Variants in NHS observed in about 807,000 individuals in gnomAD.
The protein encoded by NHS is actin remodeling regulator NHS.
A neutral mutation model predicts 72.5 loss-of-function variants in NHS; 5 were observed. That is an observed-to-expected ratio of 0.07 (90% CI 0.04 to 0.14). The LOEUF (loss-of-function observed/expected upper bound fraction) is 0.14. Among genes scored for constraint, NHS ranks in the 10% least tolerant of loss-of-function variants. The pLI is 1.00. For missense variants in NHS, 1,072 were observed against 1,355.7 expected (o/e 0.79, Z 3.29); for synonymous variants, 464 against 547.7 (o/e 0.85, Z 2.13).
Position 17,719,347 on chromosome X carries a change from A to G in NHS, c.856A>G (p.Asn286Asp), listed in dbSNP as rs1282049113. Residue 286 changes from asparagine to aspartate, a missense_variant, in exon 4 of 9, where the codon AAC becomes GAC. Physicochemically the swap from Asn to Asp is conservative, Grantham distance 23 (BLOSUM62 1). Coordinates refer to ENST00000676302, the MANE Select transcript of NHS (RefSeq NM_001291867.2). ...EFKDRHFLTF[N>D]STRSPSPTEC... ...TTTTTGCATTTCATGTTCATAGTTT[A>G]ACAGCACCCGTTCGCCCTCCCCCAC... 1.7e-6 allele frequency: 2 copies of G among 1,166,405 alleles called. No homozygotes were observed. Among genetic ancestry groups the G allele is most frequent in the East Asian group, 6.5e-5 (2 of 30,722 alleles).
At chrX:17,546,375 G>T (rs1385480405) in intron 1 of NHS, among the ~76,000 whole-genome samples, 1 of 112,205 alleles carries the variant, frequency 8.9e-6, no homozygotes, top group African/African-American at 3.2e-5. Context: ...GTATCACAGG[G>T]CAGAGTATAG....
intron 1 of NHS, among the ~76,000 whole-genome samples, chrX:17,512,869 G>A (rs1476851885): frequency 8.9e-6 from 1 of 111,793 alleles, no homozygotes; most frequent in Non-Finnish European, 1.9e-5. Context: ...GTTGAACAAG[G>A]CTGATAAGCA....
chrX:17,720,513 C>A (rs2066399875), intron 4 of NHS, among the ~76,000 whole-genome samples: 1 of 112,437 alleles, frequency 8.9e-6, no homozygotes, highest in Non-Finnish European at 1.9e-5. Flanking sequence ...AAAACTGAGT[C>A]TTTTAATCAT....
intron 3 of NHS, among the ~76,000 whole-genome samples, chrX:17,693,812 T>G (rs752963015): frequency 1.8e-5 from 2 of 112,945 alleles, no homozygotes; most frequent in South Asian, 7.2e-4. Context: ...GGCTTTCTAG[T>G]TCTTCAGATA....
intron 1 of NHS, among the ~76,000 whole-genome samples, chrX:17,685,806 G>T (rs1014915902): frequency 1.8e-5 from 2 of 111,580 alleles, no homozygotes; most frequent in Admixed American, 9.5e-5. Flanking sequence ...CATCCCTAGG[G>T]AACTGTATAA....
intron 1 of NHS, among the ~76,000 whole-genome samples, chrX:17,620,372 A>G (rs1445363461): frequency 8.9e-6 from 1 of 111,952 alleles, no homozygotes; most frequent in Non-Finnish European, 1.9e-5. Context: ...AGTTAGAGCC[A>G]GATCATCTGT....
intron 1 of NHS, among the ~76,000 whole-genome samples, chrX:17,538,095 G>A (rs1015917897): frequency 8.9e-6 from 1 of 111,977 alleles, no homozygotes; most frequent in Non-Finnish European, 1.9e-5. Context: ...GCAGAGAGGA[G>A]AGAGGGTGGA....
intron 3 of NHS, among the ~76,000 whole-genome samples, chrX:17,714,476 C>T (rs143206197): frequency 0.012 from 1,379 of 111,734 alleles, 16 homozygotes; most frequent in Non-Finnish European, 0.021. Flanking sequence ...GTTTTGGATG[C>T]TTCCTGCTCA....
intron 1 of NHS, among the ~76,000 whole-genome samples, chrX:17,559,926 C>T (rs1021356112): frequency 1.2e-4 from 13 of 111,839 alleles, no homozygotes; most frequent in South Asian, 3.8e-4. Flanking sequence ...ACTTCCCCAT[C>T]GCCCTATCAG....
At chrX:17,480,677 T>G (rs1296130829) in intron 1 of NHS, among the ~76,000 whole-genome samples, 1 of 111,602 alleles carries the variant, frequency 9.0e-6, no homozygotes, top group Non-Finnish European at 1.9e-5. Flanking sequence ...ACCATGACGT[T>G]TTAATTAATT....
intron 1 of NHS, among the ~76,000 whole-genome samples, chrX:17,384,929 A>G (rs1309806295): frequency 8.9e-6 from 1 of 112,296 alleles, no homozygotes; most frequent in Non-Finnish European, 1.9e-5. Context: ...GGAACAAACA[A>G]TCACAAAAAT....
intron 1 of NHS, among the ~76,000 whole-genome samples, chrX:17,614,893 A>G (rs1212573503): frequency 1.9e-5 from 2 of 107,818 alleles, no homozygotes; most frequent in African/African-American, 6.8e-5. Context: ...ACATCATATC[A>G]TGTCACATCT....
chrX:17,726,857 G>A lies in NHS; in HGVS notation c.2751G>A (p.Gln917=), dbSNP rs1217889097. ...PTKQEPSWIN[Q]SEQGIKEPQL... Reference sequence around the variant, plus strand: ...AGCAGGAACCTTCTTGGATAAACCAGAGTGAACAAGGCATTAAGGAACCTC... The same window carrying A: ...AGCAGGAACCTTCTTGGATAAACCAAAGTGAACAAGGCATTAAGGAACCTC... The change falls in exon 7 of 9, where the codon CAG becomes CAA. Residue 917 remains glutamine (Q), a synonymous_variant. Coordinates refer to ENST00000676302, the MANE Select transcript of NHS (RefSeq NM_001291867.2). 7 of 1,211,752 alleles carry A rather than the reference G, an allele frequency of 5.8e-6. No individual in the cohort carries two copies. The South Asian group carries it at 1.1e-4, about 18-fold the overall frequency.
At chrX:17,588,614 C>A (rs1404587517) in intron 1 of NHS, among the ~76,000 whole-genome samples, 1 of 109,706 alleles carries the variant, frequency 9.1e-6, no homozygotes, top group Non-Finnish European at 1.9e-5. Flanking sequence ...GCCCTTTTTC[C>A]CCATTTTTTG....
intron 1 of NHS, among the ~76,000 whole-genome samples, chrX:17,476,859 G>A (rs1200322247): frequency 8.9e-6 from 1 of 112,055 alleles, no homozygotes; most frequent in Non-Finnish European, 1.9e-5. Context: ...AAATTAGCCC[G>A]TAGGCTCAGA....
chrX:17,520,623 T>C (rs1453255043), intron 1 of NHS, among the ~76,000 whole-genome samples: 1 of 111,716 alleles, frequency 9.0e-6, no homozygotes, highest in East Asian at 2.8e-4. Context: ...GAGAAGAAAA[T>C]TAGCAATTTT....
In NHS at chrX:17,639,273, T is replaced by G. The variant is rs142401458; in HGVS notation, c.566-48469T>G. ...CTGTGCTGGGAATTAGGCTTGGCTC[T>G]GAGCATCAAACATGACTAAGTCACA... is the stretch of plus-strand genomic sequence containing the variant. On this transcript the variant is annotated intron_variant, in intron 1 of 8. Transcript: ENST00000676302. 7.6e-3 allele frequency among the ~76,000 whole-genome samples: 854 copies of G among 112,347 alleles called. 10 individuals carry two copies. Among genetic ancestry groups the G allele is most frequent in the African/African-American group, 0.025 (787 of 30,908 alleles).
intron 1 of NHS, among the ~76,000 whole-genome samples, chrX:17,526,446 AG>A (rs1373853572): frequency 1.8e-5 from 2 of 112,450 alleles, no homozygotes; most frequent in Non-Finnish European, 3.8e-5. Flanking sequence ...TGCGAGCAGA[AG>A]TGCGCAAGGC....
intron 1 of NHS, among the ~76,000 whole-genome samples, chrX:17,648,961 A>G (rs943477048): frequency 2.7e-5 from 3 of 112,298 alleles, no homozygotes; most frequent in Non-Finnish European, 5.6e-5. Flanking sequence ...TAATGCCCAG[A>G]ACCTAGTAAA....
Sources: gnomAD v4.1 joint callset for allele counts (sites outside exome capture counted in the v4.1 genomes callset) on GRCh38, gnomAD v4.1.1 for gene constraint, MANE v1.5 for transcripts, NCBI Gene and HGNC (gene_info 2026-07-23, HGNC 2026-07-21) for gene names.